BORCS5: variants seen among roughly 807,000 people sequenced by gnomAD.
BORCS5 encodes BLOC-1 related complex subunit 5.
Under a neutral mutation model 22.1 loss-of-function variants are expected in BORCS5, and 17 were observed. The observed-to-expected ratio is 0.77, with a 90% CI of 0.53 to 1.15. The LOEUF is 1.15. Ranked by LOEUF, BORCS5 falls within the 50% of genes most tolerant of loss-of-function variation. The probability of loss-of-function intolerance (pLI) is 0.00; values close to 1 mark genes in which losing one functional copy is unlikely to be tolerated. For synonymous variants in BORCS5, 117 were observed against 99.8 expected (o/e 1.17, Z -1.03); for missense variants, 247 against 253.2 (o/e 0.98, Z 0.17).
chr12:12,417,554 A>G (rs1025598495), intron 2 of BORCS5, among the ~76,000 whole-genome samples: 15 of 152,244 alleles, frequency 9.9e-5, no homozygotes, highest in Admixed American at 3.9e-4. Context: ...TGAGTGGGAT[A>G]TTGAGACTTC....
In BORCS5 at chr12:12,470,964, G is replaced by A. The variant is rs536932398; in HGVS notation, c.*5188G>A. ...TCATTCCTTGAGGCATGAGTTATGC[G>A]AAAAGCTTTTCTGCACCAAGTACTT... On this transcript the variant is annotated 3_prime_UTR_variant, in exon 4 of 4. Coordinates refer to ENST00000314565, the MANE Select transcript of BORCS5 (RefSeq NM_058169.6). Among the ~76,000 whole-genome samples, 3 of 152,238 alleles carry A rather than the reference G, an allele frequency of 2.0e-5. No homozygotes were observed. Among genetic ancestry groups the A allele is most frequent in the South Asian group, 2.1e-4 (1 of 4,814 alleles).
intron 2 of BORCS5, among the ~76,000 whole-genome samples, chr12:12,401,375 G>A (rs1028982733): frequency 6.6e-6 from 1 of 152,176 alleles, no homozygotes; most frequent in African/African-American, 2.4e-5. Context: ...ATCGTGCTTA[G>A]CAACCATCTC....
chr12:12,463,283 A>G (rs971981210), intron 3 of BORCS5, among the ~76,000 whole-genome samples: 1 of 152,212 alleles, frequency 6.6e-6, no homozygotes, highest in African/African-American at 2.4e-5. Context: ...ATAGGCATCA[A>G]CAGTTTTACC....
rs939681383 is a variant in BORCS5, at chr12:12,423,438, CTTTTTTTTTTTTTTT to C, written c.203-12176_203-12162del. On this transcript the variant is annotated intron_variant, in intron 2 of 3. Transcript: ENST00000314565. ...GTCTAGTATTAAGAAACTCCCTCAGCTTTTTTTTTTTTTTTTTTTTTTTTTTTTCCTGACTGATAC... is the reference window on the plus strand; with the variant it reads ...GTCTAGTATTAAGAAACTCCCTCAGCTTTTTTTTTTTTTCCTGACTGATAC... Among the ~76,000 whole-genome samples, 10 of 57,254 alleles carry C rather than the reference CTTTTTTTTTTTTTTT, an allele frequency of 1.7e-4. No individual in the cohort carries two copies. In the East Asian group the frequency reaches 4.2e-3, roughly 24 times the overall value. The allele number at this position is 57,254 out of a possible 152,430, so 37.6% of individuals were successfully genotyped here.
In BORCS5 at chr12:12,357,457, C is replaced by T. The variant is rs755313615; in HGVS notation, c.6C>T (p.Gly2=). The change falls in exon 1 of 4, where the codon GGC becomes GGT. Residue 2 remains glycine, a synonymous_variant. Coordinates refer to ENST00000314565, the MANE Select transcript of BORCS5 (RefSeq NM_058169.6). M[G]SEQSSEAESR... is the part of the protein sequence containing the mutation. Reference sequence around the variant, plus strand: ...CTGCCACCGCTGTCGGCACCATGGGCAGTGAGCAGAGCTCCGAGGCCGAGA... The same window carrying T: ...CTGCCACCGCTGTCGGCACCATGGGTAGTGAGCAGAGCTCCGAGGCCGAGA... 3 of 1,610,590 alleles carry T rather than the reference C, an allele frequency of 1.9e-6. No homozygotes were observed. Among genetic ancestry groups the T allele is most frequent in the Non-Finnish European group, 2.5e-6 (3 of 1,177,320 alleles).
chr12:12,384,268 C>T (rs1208555567), intron 2 of BORCS5, among the ~76,000 whole-genome samples: 1 of 150,906 alleles, frequency 6.6e-6, no homozygotes, highest in Non-Finnish European at 1.5e-5. Context: ...AGGTGTGAGC[C>T]ACCGTGCCTG....
chr12:12,449,240 T>C (rs771764148), intron 3 of BORCS5, among the ~76,000 whole-genome samples: 4 of 152,086 alleles, frequency 2.6e-5, no homozygotes, highest in Non-Finnish European at 5.9e-5. Context: ...CTGGGGTGCT[T>C]GGTTACAGAC....
chr12:12,364,300 C>T (rs1341891194), intron 2 of BORCS5, among the ~76,000 whole-genome samples: 2 of 151,854 alleles, frequency 1.3e-5, no homozygotes, highest in Non-Finnish European at 2.9e-5. Flanking sequence ...CGCTTGAACC[C>T]GGGAGGCAGA....
rs1283100865 is a variant in BORCS5, at chr12:12,467,289, T to G, written c.*1513T>G. The G allele has an allele frequency of 6.6e-6, 1 of 152,206 alleles. No individual in the cohort carries two copies. The highest frequency in any genetic ancestry group is 1.5e-5 in the Non-Finnish European group (1 of 68,044). 9.4% of individuals were successfully genotyped at this position (152,206 alleles called of 1,614,324 possible). On this transcript the variant is annotated 3_prime_UTR_variant, in exon 4 of 4. Transcript: ENST00000314565. Reference sequence around the variant, plus strand: ...TAGCTTCGAGGAATGAAGGGCTGTTTACAGAGCTACAAAAATAGCTTAGGT... The same window carrying G: ...TAGCTTCGAGGAATGAAGGGCTGTTGACAGAGCTACAAAAATAGCTTAGGT...
intron 2 of BORCS5, among the ~76,000 whole-genome samples, chr12:12,412,618 CTT>C (rs1941765291): frequency 6.6e-6 from 1 of 152,232 alleles, no homozygotes; most frequent in African/African-American, 2.4e-5. Context: ...TATTTCTTCT[CTT>C]GTCTTATTGC....
chr12:12,407,390 A>ATT (rs11447916), intron 2 of BORCS5, among the ~76,000 whole-genome samples: 37,211 of 147,164 alleles, frequency 0.25, 5,088 homozygotes, highest in Admixed American at 0.32. Context: ...TGTTGGTCAC[A>ATT]TTTTTTTTTT....
At chr12:12,437,614 G>A (rs1248186098) in intron 3 of BORCS5, among the ~76,000 whole-genome samples, 1 of 152,126 alleles carries the variant, frequency 6.6e-6, no homozygotes, top group African/African-American at 2.4e-5. Flanking sequence ...CTCACTTAAA[G>A]TTCTTAGGAG....
At chr12:12,364,308 A>G (rs922713397) in intron 2 of BORCS5, among the ~76,000 whole-genome samples, 3 of 152,032 alleles carry the variant, frequency 2.0e-5, no homozygotes, top group Non-Finnish European at 4.4e-5. Flanking sequence ...CCCGGGAGGC[A>G]GAGGTTGCAG....
At chr12:12,458,700 C>T (rs949583971) in intron 3 of BORCS5, among the ~76,000 whole-genome samples, 10 of 151,056 alleles carry the variant, frequency 6.6e-5, no homozygotes, top group African/African-American at 1.5e-4. Context: ...TGGCTGGCCA[C>T]GGTGGCTCAC....
intron 2 of BORCS5, among the ~76,000 whole-genome samples, chr12:12,372,405 C>T (rs1439918853): frequency 2.6e-5 from 4 of 151,984 alleles, no homozygotes; most frequent in African/African-American, 4.8e-5. Flanking sequence ...AGTGCAGTGG[C>T]ACCACCGTGG....
At chr12:12,420,042 T>C (rs112469467) in intron 2 of BORCS5, among the ~76,000 whole-genome samples, 1 of 151,984 alleles carries the variant, frequency 6.6e-6, no homozygotes, top group Non-Finnish European at 1.5e-5. Flanking sequence ...AGAAGCTCTT[T>C]AGTTTAATTA....
intron 2 of BORCS5, among the ~76,000 whole-genome samples, chr12:12,429,123 A>G (rs1942359255): frequency 1.3e-5 from 2 of 152,212 alleles, no homozygotes; most frequent in African/African-American, 2.4e-5. Context: ...AAGCATTCCA[A>G]AAATTTAAAA....
chr12:12,438,383 AAAAACAAC>A, intron 3 of BORCS5, among the ~76,000 whole-genome samples: 1 of 97,616 alleles, frequency 1.0e-5, no homozygotes, highest in African/African-American at 1.1e-4. Context: ...AAAAAAAACG[AAAAACAAC>A]AACAAAAACC....
At position 12,465,863 on chromosome 12, in the gene BORCS5, T is replaced by C; in HGVS notation, c.*87T>C. Reference sequence around the variant, plus strand: ...GCTAAGGTCATATCATCTGACCAGGTCTGGAGGCTGGCGGGAGGCTCCCTG... The same window carrying C: ...GCTAAGGTCATATCATCTGACCAGGCCTGGAGGCTGGCGGGAGGCTCCCTG... On this transcript the variant is annotated 3_prime_UTR_variant, in exon 4 of 4. Coordinates refer to ENST00000314565, the MANE Select transcript of BORCS5 (RefSeq NM_058169.6). The C allele has an allele frequency of 1.7e-6, 2 of 1,183,464 alleles. No homozygotes were observed. Among genetic ancestry groups the C allele is most frequent in the Non-Finnish European group, 2.3e-6 (2 of 855,198 alleles). The allele number at this position is 1,183,464 out of a possible 1,614,324, so 73.3% of individuals were successfully genotyped here. A position where few individuals can be genotyped will look rare whatever the true frequency, so the allele number is the denominator to read the frequency against.
Sources: gnomAD v4.1 joint callset for allele counts (sites outside exome capture counted in the v4.1 genomes callset) on GRCh38, gnomAD v4.1.1 for gene constraint, MANE v1.5 for transcripts, NCBI Gene and HGNC (gene_info 2026-07-23, HGNC 2026-07-21) for gene names.